The following PRSS23 variants were observed in gnomAD, a reference collection of about 807,000 sequenced individuals.
The protein encoded by PRSS23 is protease, serine 23.
PRSS23 carries 25 observed loss-of-function variants against 34.7 expected under a neutral mutation model. The observed-to-expected ratio is 0.72, with a 90% CI of 0.53 to 1.01. PRSS23 has a LOEUF of 1.01. Ranked by LOEUF, PRSS23 falls within the 50% of genes least tolerant of loss-of-function variation. The pLI, the probability that PRSS23 is intolerant of heterozygous loss-of-function variation, is 0.00. For synonymous variants in PRSS23, 176 were observed against 186.6 expected, an observed-to-expected ratio of 0.94 and a Z score of 0.46; for missense variants, 445 against 475.6, an observed-to-expected ratio of 0.94 and a Z score of 0.60.
At chr11:86,939,011 C>T (rs1477934619) in intron 2 of PRSS23, 1 of 448,188 alleles carries the variant, frequency 2.2e-6, no homozygotes, top group Admixed American at 2.5e-5. Context: ...TGATGTTTTT[C>T]CTCTGCAGAG....
Position 86,807,791 on chromosome 11 carries a change from A to C in PRSS23, c.148A>C (p.Lys50Gln), listed in dbSNP as rs766231348. 3 of 1,614,164 alleles carry C rather than the reference A, an allele frequency of 1.9e-6. No individual in the cohort carries two copies. Among genetic ancestry groups the C allele is most frequent in the South Asian group, 1.1e-5 (1 of 91,082 alleles). ...GCCCCAGTCTACCCTCAATTTAGCC[A>C]AGCCAGACTTTGGAGCCGAAGCCAA... ...VLPQSTLNLA[K>Q]PDFGAEAKLE... The change falls in exon 2 of 2, where the codon AAG becomes CAG. Residue 50 changes from lysine to glutamine, a missense_variant. By Grantham distance (53) the Lys-to-Gln change is moderately conservative (BLOSUM62 1). Transcript: ENST00000280258.
chr11:86,878,902 G>T (rs558067959), intron 2 of PRSS23, among the ~76,000 whole-genome samples: 1 of 142,326 alleles, frequency 7.0e-6, no homozygotes, highest in Non-Finnish European at 1.5e-5. Flanking sequence ...AGTGAGGAGC[G>T]TCTCTGCCCG....
intron 2 of PRSS23, among the ~76,000 whole-genome samples, chr11:86,867,324 C>T (rs527856360): frequency 6.6e-6 from 1 of 152,186 alleles, no homozygotes; most frequent in Non-Finnish European, 1.5e-5. Flanking sequence ...TCCCACAATG[C>T]CTTGCACCTG....
At chr11:86,824,937 C>T (rs1948287293) in intron 2 of PRSS23, among the ~76,000 whole-genome samples, 1 of 152,184 alleles carries the variant, frequency 6.6e-6, no homozygotes, top group Admixed American at 6.5e-5. Flanking sequence ...CCACAATAAA[C>T]ATACCTGTGT....
chr11:86,882,841 T>C (rs973387562), intron 2 of PRSS23, among the ~76,000 whole-genome samples: 2 of 152,244 alleles, frequency 1.3e-5, no homozygotes, highest in African/African-American at 2.4e-5. Context: ...TGTTCCTTTT[T>C]CTCCACAACC....
chr11:86,814,600 G>C (rs886996678), downstream of PRSS23, among the ~76,000 whole-genome samples: 1 of 152,314 alleles, frequency 6.6e-6, no homozygotes, highest in African/African-American at 2.4e-5. Flanking sequence ...AGAGGAGTCT[G>C]TCTAGTCCTC....
chr11:86,878,233 C>CCCCCCTCTCCCTCATCTCCGT (rs1948738889), intron 2 of PRSS23, among the ~76,000 whole-genome samples: 9 of 84,860 alleles, frequency 1.1e-4, no homozygotes, highest in East Asian at 3.8e-4. Flanking sequence ...TACCCCTCCC[C>CCCCCCTCTCCCTCATCTCCGT]CTCCCTCTCC....
At chr11:86,822,356 C>T (rs928461125) in intron 1 of PRSS23, among the ~76,000 whole-genome samples, 1 of 152,126 alleles carries the variant, frequency 6.6e-6, no homozygotes, top group African/African-American at 2.4e-5. Context: ...CATGGTGGCT[C>T]ACGCCTGTAA....
Position 86,818,597 on chromosome 11 carries a change from A to T in PRSS23, c.-11-4780A>T, listed in dbSNP as rs189544553. ...TCTTCATGTGTTGGAAAATGTACTT[A>T]AAAAAAATCTTTCCCCGAGGCATCT... On this transcript the variant is annotated intron_variant, in intron 1 of 2. Transcript: ENST00000533902. Among the ~76,000 whole-genome samples the T allele has an allele frequency of 1.4e-3, 215 of 152,260 alleles. 1 individual carries two copies. The East Asian group carries it at 0.031, about 22-fold the overall frequency.
At chr11:86,791,771 G>C (rs890970872) in intron 1 of PRSS23, among the ~76,000 whole-genome samples, 1 of 152,204 alleles carries the variant, frequency 6.6e-6, no homozygotes, top group Non-Finnish European at 1.5e-5. Context: ...CTCTGTTCAA[G>C]GTGGCTCCCC....
intron 2 of PRSS23, chr11:86,935,651 A>T (rs1949156568): frequency 6.6e-6 from 1 of 152,166 alleles, no homozygotes. Context: ...GTTGGTAATT[A>T]CCCCAATGAC....
chr11:86,839,572 C>T (rs544250494), intron 2 of PRSS23, among the ~76,000 whole-genome samples: 2 of 152,088 alleles, frequency 1.3e-5, no homozygotes, highest in South Asian at 4.2e-4. Context: ...GCAAGGCAGG[C>T]CAACATTCAA....
upstream of PRSS23, among the ~76,000 whole-genome samples, chr11:86,797,259 C>G (rs537636563): frequency 3.9e-5 from 6 of 152,288 alleles, no homozygotes; most frequent in African/African-American, 1.4e-4. Flanking sequence ...GGAAATGGGA[C>G]GAGTACAAAA....
chr11:86,935,896 C>T (rs1949158633), intron 2 of PRSS23: 1 of 152,052 alleles, frequency 6.6e-6, no homozygotes, highest in African/African-American at 2.4e-5. Context: ...AAATATGAGG[C>T]CCTTTGTTCA....
At chr11:86,860,805 C>T (rs1167390140) in intron 2 of PRSS23, among the ~76,000 whole-genome samples, 1 of 151,762 alleles carries the variant, frequency 6.6e-6, no homozygotes, top group African/African-American at 2.4e-5. Context: ...CCCTCAGTAT[C>T]GCGGGAAATG....
At chr11:86,951,585 C>G in exon 3 of PRSS23, 1 of 1,614,134 alleles carries the variant, frequency 6.2e-7, no homozygotes, top group Non-Finnish European at 8.5e-7. Context: ...GGAGCCACCA[C>G]GAACCCGGTG....
upstream of PRSS23, among the ~76,000 whole-genome samples, chr11:86,795,661 C>T (rs1049827741): frequency 6.6e-6 from 1 of 152,208 alleles, no homozygotes; most frequent in Non-Finnish European, 1.5e-5. Flanking sequence ...CACACAGCAC[C>T]TCTATGGCTA....
intron 2 of PRSS23, chr11:86,857,561 AAG>A (rs1376653071): frequency 2.1e-6 from 1 of 478,228 alleles, no homozygotes; most frequent in East Asian, 6.5e-5. Flanking sequence ...GCTAAGGAAA[AAG>A]GACACCAAAA....
chr11:86,797,230 C>A (rs1438956400), upstream of PRSS23, among the ~76,000 whole-genome samples: 1 of 152,216 alleles, frequency 6.6e-6, no homozygotes, highest in Admixed American at 6.5e-5. Flanking sequence ...GTTCCCCCGA[C>A]CCCCTCCCCA....
Sources: gnomAD v4.1 joint callset for allele counts (sites outside exome capture counted in the v4.1 genomes callset) on GRCh38, gnomAD v4.1.1 for gene constraint, MANE v1.5 for transcripts, NCBI Gene and HGNC (gene_info 2026-07-23, HGNC 2026-07-21) for gene names.